The following CCDC18 variants were observed in gnomAD, a reference collection of about 807,000 sequenced individuals.
The protein encoded by CCDC18 is coiled-coil domain containing 18.
CCDC18 carries 157 observed loss-of-function variants against 196.0 expected under a neutral mutation model. The ratio of observed to expected loss-of-function variants is 0.80; its 90% CI spans 0.70 to 0.91. The LOEUF is 0.91. Ranked by LOEUF, CCDC18 falls within the 40% of genes least tolerant of loss-of-function variation. The probability of loss-of-function intolerance (pLI) is 0.00; values close to 1 mark genes in which losing one functional copy is unlikely to be tolerated. For synonymous variants in CCDC18, 482 were observed against 529.2 expected (o/e 0.91, Z 1.22); for missense variants, 1,465 against 1,611.6 (o/e 0.91, Z 1.56).
At chr1:93,265,199 G>A (rs901310503) in intron 27 of CCDC18, among the ~76,000 whole-genome samples, 1 of 152,122 alleles carries the variant, frequency 6.6e-6, no homozygotes, top group African/African-American at 2.4e-5. Context: ...AATCAGCAAA[G>A]TTCTTTTAAA....
At chr1:93,261,767 T>A (rs1389620122) in intron 26 of CCDC18, among the ~76,000 whole-genome samples, 1 of 152,178 alleles carries the variant, frequency 6.6e-6, no homozygotes, top group African/African-American at 2.4e-5. Flanking sequence ...TTAGACATAA[T>A]TATTTCATCT....
chr1:93,217,250 C>G (rs540986844), intron 13 of CCDC18, among the ~76,000 whole-genome samples: 1 of 151,002 alleles, frequency 6.6e-6, no homozygotes, highest in Non-Finnish European at 1.5e-5. Context: ...TCATTTTTAT[C>G]CTAATAGGAT....
rs766267966 is a variant in CCDC18 at position 93,183,512 on chromosome 1, A to G, written c.134+17A>G. 3 of 1,567,350 alleles carry G rather than the reference A, an allele frequency of 1.9e-6. No homozygotes were observed. The highest frequency in any genetic ancestry group is 2.4e-5 in the South Asian group (2 of 82,506). ...GTTATCCAGGTAAGTAAGTAAAATC[A>G]CATATAGAATTCACTGTGCCTTAAA... is the stretch of plus-strand genomic sequence containing the variant. On this transcript the variant is annotated intron_variant, in intron 2 of 28. Transcript: ENST00000690025.
chr1:93,185,825 GAA>G (rs1204530160), intron 3 of CCDC18, among the ~76,000 whole-genome samples: 1 of 151,858 alleles, frequency 6.6e-6, no homozygotes, highest in East Asian at 1.9e-4. Context: ...TTAATTAAAA[GAA>G]ATGTTTTGAA....
intron 25 of CCDC18, 31 bp downstream of exon 25, chr1:93,256,569 C>A: frequency 6.5e-7 from 1 of 1,542,770 alleles, no homozygotes; most frequent in Non-Finnish European, 8.9e-7. Context: ...TCTTATGTAT[C>A]TGAAATCTTA....
At chr1:93,180,716 C>T (rs1649433418), upstream of CCDC18, 1 of 1,359,594 alleles carries the variant, frequency 7.4e-7, no homozygotes, top group South Asian at 1.1e-5. Flanking sequence ...CCCAACGGCT[C>T]CCGCGGCGGT....
Position 93,180,871 on chromosome 1 carries a change from A to T in CCDC18, c.-3+19A>T. On this transcript the variant is annotated intron_variant, in intron 1 of 28. Coordinates refer to ENST00000690025, the MANE Select transcript of CCDC18 (RefSeq NM_001378204.1). ...TCGCCGGGTGGGTCTCTCCCCAGCG[A>T]CGATTTGGGTGGTGAGCGACTGCGC... 1 of 1,365,448 alleles carries T rather than the reference A, an allele frequency of 7.3e-7. No individual in the cohort carries two copies. The highest frequency in any genetic ancestry group is 9.8e-7 in the Non-Finnish European group (1 of 1,021,932). 84.6% of individuals were successfully genotyped at this position (1,365,448 alleles called of 1,614,324 possible).
chr1:93,267,282 G>T (rs1201418883), intron 27 of CCDC18, among the ~76,000 whole-genome samples: 4 of 152,050 alleles, frequency 2.6e-5, no homozygotes, highest in Non-Finnish European at 4.4e-5. Context: ...GGTATTGATG[G>T]GACATATCTC....
chr1:93,212,296 C>T, intron 11 of CCDC18, 35 bp downstream of exon 11: 1 of 1,325,428 alleles, frequency 7.5e-7, no homozygotes, highest in African/African-American at 1.5e-5. Flanking sequence ...AAATTATATT[C>T]AGAGTTTTGG....
At chr1:93,241,137 T>C (rs1660718536) in intron 21 of CCDC18, among the ~76,000 whole-genome samples, 1 of 152,024 alleles carries the variant, frequency 6.6e-6, no homozygotes. Flanking sequence ...GTATTGTTAA[T>C]AGAGGCGGGG....
At chr1:93,275,386 G>C (rs938758750) in intron 28 of CCDC18, among the ~76,000 whole-genome samples, 7 of 152,178 alleles carry the variant, frequency 4.6e-5, no homozygotes, top group Admixed American at 6.5e-5. Flanking sequence ...TGAGATGACA[G>C]GCGTGAGCCA....
chr1:93,205,483 G>A, intron 7 of CCDC18, 27 bp from the exon 8 acceptor site: 1 of 1,558,516 alleles, frequency 6.4e-7, no homozygotes, highest in Non-Finnish European at 8.7e-7. Context: ...AACCACATTA[G>A]TATGTCCACT....
At chr1:93,214,666 C>A (rs1656199386) in intron 11 of CCDC18, 77 bp from the exon 12 acceptor site, 1 of 999,012 alleles carries the variant, frequency 1.0e-6, no homozygotes, top group African/African-American at 1.6e-5. Context: ...TTGTTTATGA[C>A]TAAATCTTTC....
rs190246644 is a variant in CCDC18, at chr1:93,193,976, C to T, written c.698+232C>T. Among the ~76,000 whole-genome samples, 336 of 151,874 alleles carry T rather than the reference C, an allele frequency of 2.2e-3. 1 individual carries two copies. The highest frequency in any genetic ancestry group is 5.6e-3 in the South Asian group (27 of 4,816). ...GGCTTAATTTCTACAAAACTGATAA[C>T]GATTATCAGTTTAATGATACTTATT... On this transcript the variant is annotated intron_variant, in intron 6 of 28. Coordinates refer to ENST00000690025, the MANE Select transcript of CCDC18 (RefSeq NM_001378204.1).
At chr1:93,250,423 T>C (rs968281891) in intron 23 of CCDC18, among the ~76,000 whole-genome samples, 4 of 151,626 alleles carry the variant, frequency 2.6e-5, no homozygotes, top group African/African-American at 9.7e-5. Context: ...AAAGAATATG[T>C]ATTCAGTAAC....
intron 14 of CCDC18, among the ~76,000 whole-genome samples, chr1:93,220,835 G>A (rs779514918): frequency 1.3e-5 from 2 of 152,088 alleles, no homozygotes; most frequent in Non-Finnish European, 2.9e-5. Context: ...ATGTCTTCGT[G>A]TGTTCTCATC....
rs541063000 is a variant in CCDC18 at position 93,193,870 on chromosome 1, T to C, written c.698+126T>C. ...GATTTGGCAATAAATTAACTTAATG[T>C]TCTTTTTTATCTATTAATTTTTTTA... On this transcript the variant is annotated intron_variant, in intron 6 of 28. Transcript: ENST00000690025. 1.1e-5 allele frequency: 7 copies of C among 631,464 alleles called. No homozygotes were observed. The South Asian group carries it at 2.0e-4, about 18-fold the overall frequency. The allele number at this position is 631,464 out of a possible 1,614,324, so 39.1% of individuals were successfully genotyped here.
intron 27 of CCDC18, chr1:93,269,682 C>T (rs7542398): frequency 7.1e-4 from 108 of 152,142 alleles, no homozygotes; most frequent in African/African-American, 2.5e-3. Context: ...ACTATACTTA[C>T]ATTATTAAGC....
At chr1:93,271,786 C>G (rs1388520328) in intron 28 of CCDC18, among the ~76,000 whole-genome samples, 1 of 152,162 alleles carries the variant, frequency 6.6e-6, no homozygotes. Context: ...TTGAAAGTCA[C>G]AAAAAACTCT....
Sources: gnomAD v4.1 joint callset for allele counts (sites outside exome capture counted in the v4.1 genomes callset) on GRCh38, gnomAD v4.1.1 for gene constraint, MANE v1.5 for transcripts, NCBI Gene and HGNC (gene_info 2026-07-23, HGNC 2026-07-21) for gene names.